FLT1: variants seen among roughly 807,000 people sequenced by gnomAD.
The protein encoded by FLT1 is fms related receptor tyrosine kinase 1.
In FLT1, 49 loss-of-function variants were observed where a neutral mutation model predicts 156.3. That is an observed-to-expected ratio of 0.31 (90% CI 0.25 to 0.40). The LOEUF (loss-of-function observed/expected upper bound fraction) is 0.40. FLT1 is among the 10% of genes least tolerant of loss of function. The pLI is 1.00. For missense variants in FLT1, 1,322 were observed against 1,637.2 expected (o/e 0.81, Z 3.32); for synonymous variants, 594 against 583.8 (o/e 1.02, Z -0.25).
chr13:28,434,869 C>T (rs186383937), intron 4 of FLT1, among the ~76,000 whole-genome samples: 16 of 152,286 alleles, frequency 1.1e-4, no homozygotes, highest in African/African-American at 1.7e-4. Context: ...GGTGATAGAA[C>T]GAGACTCTGT....
At chr13:28,446,352 G>C (rs1290073997) in intron 3 of FLT1, among the ~76,000 whole-genome samples, 2 of 152,014 alleles carry the variant, frequency 1.3e-5, no homozygotes, top group Admixed American at 6.6e-5. Context: ...AGATCAAAAT[G>C]GTACAGGTAT....
chr13:28,396,742 C>T (rs546210644), intron 12 of FLT1: 2 of 657,886 alleles, frequency 3.0e-6, no homozygotes, highest in Admixed American at 2.2e-5. Flanking sequence ...GGGAGACAAA[C>T]ACAAATAACT....
intron 19 of FLT1, among the ~76,000 whole-genome samples, chr13:28,328,894 G>A (rs1431695294): frequency 1.3e-5 from 2 of 152,202 alleles, no homozygotes; most frequent in Non-Finnish European, 2.9e-5. Flanking sequence ...AGAAGCAGGC[G>A]GGGCCGTGTC....
intron 17 of FLT1, among the ~76,000 whole-genome samples, chr13:28,336,309 T>A (rs1369219234): frequency 1.3e-5 from 2 of 152,336 alleles, no homozygotes; most frequent in Non-Finnish European, 2.9e-5. Flanking sequence ...ATGAAGCTGT[T>A]ATGGGCTCCT....
In FLT1 at chr13:28,317,552, C is replaced by A; in HGVS notation, c.3332G>T (p.Ser1111Ile). 8 of 1,614,066 alleles carry A rather than the reference C, an allele frequency of 5.0e-6. No individual in the cohort carries two copies. The highest frequency in any genetic ancestry group is 6.8e-6 in the Non-Finnish European group (8 of 1,179,928). The change falls in exon 25 of 30, where the codon AGT (serine) becomes ATT (isoleucine). Residue 1111 changes from serine to isoleucine, a missense_variant. By Grantham distance (142) the Ser-to-Ile change is moderately radical. Coordinates refer to ENST00000282397, the MANE Select transcript of FLT1 (RefSeq NM_002019.4). Reference protein sequence around the residue: ...PGVQMDEDFCSRLREGMRMRA... With the variant: ...PGVQMDEDFCIRLREGMRMRA... ...CATCCTCATGCCTTCCCTCAGGCGA[C>A]TGCAAAAGTCCTCATCCATTTGTAC...
At position 28,433,841 on chromosome 13, in the gene FLT1, A is replaced by G; in HGVS notation, c.791T>C (p.Met264Thr). Reference protein sequence around the residue: ...ATTPLNTRVQMTWSYPDEKNK... With the variant: ...ATTPLNTRVQTTWSYPDEKNK... Reference sequence around the variant, plus strand: ...CACTTCATCAGGGTAACTCCAGGTCATTTGAACTCTCGTGTTCAAGGGAGT... The same window carrying G: ...CACTTCATCAGGGTAACTCCAGGTCGTTTGAACTCTCGTGTTCAAGGGAGT... Residue 264 changes from methionine to threonine, a missense_variant, in exon 6 of 30, where the codon ATG (methionine) becomes ACG (threonine). Transcript: ENST00000282397. 6.2e-7 allele frequency: 1 copy of G among 1,613,944 alleles called. No homozygotes were observed.
At chr13:28,389,102 G>A (rs1269539579) in intron 13 of FLT1, 8 of 1,064,880 alleles carry the variant, frequency 7.5e-6, no homozygotes, top group South Asian at 9.1e-5. Flanking sequence ...TGCACCCCTG[G>A]GGCCCATTTT....
At chr13:28,393,119 C>G (rs1383918449) in intron 12 of FLT1, among the ~76,000 whole-genome samples, 2 of 152,134 alleles carry the variant, frequency 1.3e-5, no homozygotes, top group South Asian at 2.1e-4. Flanking sequence ...GCACAGTCAT[C>G]ATCATTACCA....
chr13:28,399,110 T>C (rs1438093607), intron 11 of FLT1: 2 of 1,550,100 alleles, frequency 1.3e-6, no homozygotes, highest in African/African-American at 2.7e-5. Context: ...AACTGTTAGC[T>C]GGTGGAAGCT....
intron 14 of FLT1, chr13:28,368,030 T>A (rs1203021081): frequency 3.0e-6 from 1 of 334,142 alleles, no homozygotes; most frequent in African/African-American, 2.2e-5. Context: ...AGGTGAGGAT[T>A]ATGTGTTGCT....
At chr13:28,447,209 G>A (rs1372260767) in intron 3 of FLT1, among the ~76,000 whole-genome samples, 1 of 143,116 alleles carries the variant, frequency 7.0e-6, no homozygotes, top group Non-Finnish European at 1.5e-5. Flanking sequence ...TTGCAAAAGG[G>A]TCTCACTTTT....
chr13:28,318,457 G>T (rs1309453668), intron 24 of FLT1, among the ~76,000 whole-genome samples: 2 of 152,158 alleles, frequency 1.3e-5, no homozygotes, highest in Admixed American at 6.5e-5. Flanking sequence ...GGGTGGCAAG[G>T]CCTTCTAATG....
chr13:28,318,428 G>A (rs757838565), intron 24 of FLT1, among the ~76,000 whole-genome samples: 7 of 151,984 alleles, frequency 4.6e-5, no homozygotes, highest in African/African-American at 7.3e-5. Context: ...CCTTTTGGGG[G>A]GATTCTTGCC....
At chr13:28,422,964 C>A (rs1344676663) in intron 10 of FLT1, among the ~76,000 whole-genome samples, 5 of 152,192 alleles carry the variant, frequency 3.3e-5, no homozygotes, top group African/African-American at 4.8e-5. Context: ...AACCAACCAA[C>A]CTCCTTGCCA....
At chr13:28,362,900 T>C (rs769983789) in intron 14 of FLT1, among the ~76,000 whole-genome samples, 2 of 152,180 alleles carry the variant, frequency 1.3e-5, no homozygotes, top group African/African-American at 2.4e-5. Flanking sequence ...ATGCCCTCTA[T>C]TGTACTATAA....
At chr13:28,401,174 C>T (rs1875410971) in intron 11 of FLT1, among the ~76,000 whole-genome samples, 1 of 151,998 alleles carries the variant, frequency 6.6e-6, no homozygotes, top group South Asian at 2.1e-4. Context: ...TGCAGTGAGC[C>T]GAGATCATGC....
rs1566013070 is a variant in FLT1, at chr13:28,412,373, T to TTTCC, written c.1437-6480_1437-6479insGGAA. ...TTCTCTTTCTTTCTTTCTTTCTTTC[T>TTTCC]TTCTTTCTTTCTTTCTTTCTTTCTT... On this transcript the variant is annotated intron_variant, in intron 10 of 29. Transcript: ENST00000282397. Among the ~76,000 whole-genome samples, 24 of 126,382 alleles carry TTTCC rather than the reference T, an allele frequency of 1.9e-4. 1 individual carries two copies. Among genetic ancestry groups the TTTCC allele is most frequent in the East Asian group, 6.8e-4 (3 of 4,382 alleles). 82.9% of individuals were successfully genotyped at this position (126,382 alleles called of 152,430 possible). A position where few individuals can be genotyped will look rare whatever the true frequency, so the allele number is the denominator to read the frequency against.
intron 8 of FLT1, among the ~76,000 whole-genome samples, chr13:28,429,318 A>G (rs1877536933): frequency 6.6e-6 from 1 of 152,142 alleles, no homozygotes; most frequent in African/African-American, 2.4e-5. Context: ...CCACATCCCT[A>G]TTGTATGGAT....
chr13:28,312,073 G>C lies in FLT1; in HGVS notation c.3412C>G (p.His1138Asp). The C allele has an allele frequency of 1.2e-6, 2 of 1,613,394 alleles. No homozygotes were observed. The highest frequency in any genetic ancestry group is 1.7e-6 in the Non-Finnish European group (2 of 1,179,464). ...EIYQIMLDCW[H>D]RDPKERPRFA... is the part of the protein sequence containing the mutation. ...CTTGGCCTTTCTTTTGGGTCTCTGT[G>C]CCAGCAGTCCAGCATGATCTGATAG... Residue 1138 changes from histidine (H) to aspartate (D), a missense_variant, in exon 26 of 30, where the codon CAC becomes GAC. His to Asp is a moderately conservative substitution (Grantham distance 81). Transcript: ENST00000282397.
Sources: gnomAD v4.1 joint callset for allele counts (sites outside exome capture counted in the v4.1 genomes callset) on GRCh38, gnomAD v4.1.1 for gene constraint, MANE v1.5 for transcripts, NCBI Gene and HGNC (gene_info 2026-07-23, HGNC 2026-07-21) for gene names.